Variants in HOXB3 observed in about 807,000 individuals in gnomAD.
HOXB3 encodes the protein homeobox B3.
Under a neutral mutation model 29.2 loss-of-function variants are expected in HOXB3, and 17 were observed. The ratio of observed to expected loss-of-function variants is 0.58; its 90% CI spans 0.40 to 0.87. The LOEUF (loss-of-function observed/expected upper bound fraction) is 0.87, where lower values mean the gene tolerates loss of function less well. HOXB3 is among the 40% of genes least tolerant of loss of function. HOXB3 has a pLI of 0.00. For synonymous variants in HOXB3, 317 were observed against 285.9 expected (o/e 1.11, Z -1.10); for missense variants, 637 against 616.3 (o/e 1.03, Z -0.35).
chr17:48,582,493 T>C (rs900739466), intron 1 of HOXB3: 1 of 152,206 alleles, frequency 6.6e-6, no homozygotes, highest in African/African-American at 2.4e-5. Context: ...CGTGTTAATC[T>C]CATACTTTGG....
intron 2 of HOXB3, among the ~76,000 whole-genome samples, chr17:48,571,416 A>T (rs1597843343): frequency 1.3e-5 from 2 of 152,150 alleles, no homozygotes; most frequent in African/African-American, 4.8e-5. Context: ...TGGAAGTAGG[A>T]GGGAGAATGG....
At chr17:48,563,287 C>T (rs2069263383) in intron 2 of HOXB3, among the ~76,000 whole-genome samples, 1 of 152,192 alleles carries the variant, frequency 6.6e-6, no homozygotes, top group Non-Finnish European at 1.5e-5. Context: ...AGCACTACTT[C>T]GTGGACAGGA....
chr17:48,554,857 T>C lies in HOXB3; in HGVS notation c.-159+674A>G, dbSNP rs1270672413. On this transcript the variant is annotated intron_variant, in intron 3 of 4. Transcript: ENST00000498678. This position sits in a 1 kb window ranked among gnomAD's most constrained non-coding sequence, Gnocchi z 4.1. Reference sequence around the variant, plus strand: ...CGCCGAGGCCTGGCGGACGGGACAGTGGGAAGAGAGAAAGGTGCTAAGGGG... The same window carrying C: ...CGCCGAGGCCTGGCGGACGGGACAGCGGGAAGAGAGAAAGGTGCTAAGGGG... 1.4e-6 allele frequency: 1 copy of C among 701,572 alleles called. No individual in the cohort carries two copies. Among genetic ancestry groups the C allele is most frequent in the Non-Finnish European group, 2.6e-6 (1 of 384,624 alleles). 43.5% of individuals were successfully genotyped at this position (701,572 alleles called of 1,614,324 possible). A position where few individuals can be genotyped will look rare whatever the true frequency, so the allele number is the denominator to read the frequency against.
rs1374171931 is a variant in HOXB3 at position 48,550,969 on chromosome 17, T to C, written c.661A>G (p.Met221Val). ...TCGCTGAGGTTCAGCAGGTTGGCCA[T>C]CTCTACACGGCGAGGCCGGCACAGG... ...RYLCRPRRVE[M>V]ANLLNLSERQ... Residue 221 changes from methionine to valine, a missense_variant, in exon 5 of 5, where the codon ATG becomes GTG. Met to Val is a conservative substitution (Grantham distance 21). Transcript: ENST00000498678. 1.9e-6 allele frequency: 3 copies of C among 1,613,506 alleles called. No individual in the cohort carries two copies. In the African/African-American group the frequency reaches 4.0e-5, roughly 22 times the overall value.
intron 2 of HOXB3, among the ~76,000 whole-genome samples, chr17:48,562,433 T>C (rs777545328): frequency 7.9e-5 from 12 of 151,898 alleles, no homozygotes; most frequent in Non-Finnish European, 1.8e-4. Context: ...CCCATAGAAA[T>C]AGGTCTGCCG....
chr17:48,578,085 G>A, intron 1 of HOXB3: 1 of 1,046,472 alleles, frequency 9.6e-7, no homozygotes, highest in Non-Finnish European at 1.2e-6. Context: ...GGCGGGGGTG[G>A]TGGCGGAGGC....
chr17:48,552,626 G>A lies in HOXB3; in HGVS notation c.-152C>T, dbSNP rs1311839158. 3 of 593,114 alleles carry A rather than the reference G, an allele frequency of 5.1e-6. No homozygotes were observed. Among genetic ancestry groups the A allele is most frequent in the Non-Finnish European group, 8.6e-6 (3 of 348,880 alleles). The allele number at this position is 593,114 out of a possible 1,614,324, so 36.7% of individuals were successfully genotyped here. On this transcript the variant is annotated 5_prime_UTR_variant, in exon 4 of 5. Coordinates refer to ENST00000498678, the MANE Select transcript of HOXB3 (RefSeq NM_001384749.1). ...CCCTCCTCCGGGGTCTGTTCCAAGC[G>A]GCTGACCTGCGAGGCGAGAGAAGAG...
intron 3 of HOXB3, chr17:48,555,317 G>C (rs11652860): frequency 0.45 from 252,915 of 557,028 alleles, 62,877 homozygotes; most frequent in Middle Eastern, 0.54. Context: ...AGCAGGAAGA[G>C]AGAGGGGAGA....
At chr17:48,560,442 AG>A (rs2069153530) in intron 2 of HOXB3, 1 of 151,796 alleles carries the variant, frequency 6.6e-6, no homozygotes, top group Non-Finnish European at 1.5e-5. Flanking sequence ...GCTAGGCTTT[AG>A]GAAGTGGATT....
chr17:48,575,380 A>G (rs907990805), intron 1 of HOXB3: 1 of 152,192 alleles, frequency 6.6e-6, no homozygotes, highest in African/African-American at 2.4e-5. Flanking sequence ...AAAAATTCCC[A>G]TCAGACTCTT....
At chr17:48,568,582 C>G (rs2069468008) in intron 2 of HOXB3, among the ~76,000 whole-genome samples, 1 of 152,048 alleles carries the variant, frequency 6.6e-6, no homozygotes, top group African/African-American at 2.4e-5. Context: ...AATGATTTAT[C>G]GAAGACATGG....
At chr17:48,568,830 A>C (rs1419516659) in intron 2 of HOXB3, among the ~76,000 whole-genome samples, 1 of 152,222 alleles carries the variant, frequency 6.6e-6, no homozygotes, top group Non-Finnish European at 1.5e-5. Context: ...GGGCATAAAC[A>C]CACAGAGCAC....
intron 3 of HOXB3, chr17:48,553,852 T>C (rs2068861155): frequency 6.6e-6 from 1 of 152,266 alleles, no homozygotes; most frequent in Non-Finnish European, 1.5e-5. Context: ...ACCATCACTT[T>C]TCATAAAACC....
Position 48,554,605 on chromosome 17 carries a change from G to T in HOXB3, c.-159+926C>A. ...CTCAGCCGGTCGCTGCTGCCGCGGC[G>T]ACTGGCGACAAGCTACCAGCCACCT... On this transcript the variant is annotated intron_variant, in intron 3 of 4. Coordinates refer to ENST00000498678, the MANE Select transcript of HOXB3 (RefSeq NM_001384749.1). The surrounding 1 kb of genome is among the most constrained non-coding windows in gnomAD (Gnocchi z 4.1). 1.4e-6 allele frequency: 1 copy of T among 700,864 alleles called. No individual in the cohort carries two copies. The highest frequency in any genetic ancestry group is 1.5e-5 in the South Asian group (1 of 67,464). The allele number at this position is 700,864 out of a possible 1,614,324, so 43.4% of individuals were successfully genotyped here.
chr17:48,550,925 C>T lies in HOXB3; in HGVS notation c.705G>A (p.Trp235Ter), dbSNP rs2068710281. The change falls in exon 5 of 5, where the codon TGG (tryptophan) becomes TGA (stop). Residue 235 changes from tryptophan (W) to a stop codon, truncating the protein, a stop_gained. Transcript: ENST00000498678. LOFTEE classifies it high-confidence loss of function. ...TGTACTTCATGCGCCGGTTCTGGAA[C>T]CAGATCTTGATCTGCCGCTCGCTGA... The part of the protein sequence containing the change: ...LNLSERQIKI[W>*]FQNRRMKYKK... 1 of 1,614,026 alleles carries T rather than the reference C, an allele frequency of 6.2e-7. No homozygotes were observed. Among genetic ancestry groups the T allele is most frequent in the East Asian group, 2.2e-5 (1 of 44,864 alleles).
Position 48,570,855 on chromosome 17 carries a change from G to A in HOXB3, c.-247+2982C>T, listed in dbSNP as rs1408518326. On this transcript the variant is annotated intron_variant, in intron 2 of 4. Coordinates refer to ENST00000498678, the MANE Select transcript of HOXB3 (RefSeq NM_001384749.1). ...TGTGGGCCCTGCTCCCGGCTCCAGC[G>A]AGGGCAACTCCCTGAAACGTTCTGG... Among the ~76,000 whole-genome samples the A allele has an allele frequency of 2.6e-5, 4 of 152,294 alleles. No individual in the cohort carries two copies. The South Asian group carries it at 6.2e-4, about 24-fold the overall frequency.
At position 48,554,955 on chromosome 17, in the gene HOXB3, T is replaced by C. The variant is rs2144761371; in HGVS notation, c.-159+576A>G. On this transcript the variant is annotated intron_variant, in intron 3 of 4. Coordinates refer to ENST00000498678, the MANE Select transcript of HOXB3 (RefSeq NM_001384749.1). The surrounding 1 kb of genome is among the most constrained non-coding windows in gnomAD (Gnocchi z 4.1). ...CCAAGCCAAACAGATCTATTTCCCTTGCCTCCATGTTGGAAAAATTCAGGT... is the reference window on the plus strand; with the variant it reads ...CCAAGCCAAACAGATCTATTTCCCTCGCCTCCATGTTGGAAAAATTCAGGT... The C allele has an allele frequency of 1.7e-6, 1 of 585,734 alleles. No individual in the cohort carries two copies. Among genetic ancestry groups the C allele is most frequent in the East Asian group, 3.1e-5 (1 of 32,290 alleles). 36.3% of individuals were successfully genotyped at this position (585,734 alleles called of 1,614,324 possible).
Position 48,552,534 on chromosome 17 carries a change from G to C in HOXB3, c.-60C>G, listed in dbSNP as rs2068796776. 1 of 1,372,212 alleles carries C rather than the reference G, an allele frequency of 7.3e-7. No homozygotes were observed. The highest frequency in any genetic ancestry group is 9.9e-7 in the Non-Finnish European group (1 of 1,008,534). The allele number at this position is 1,372,212 out of a possible 1,614,324, so 85.0% of individuals were successfully genotyped here. On this transcript the variant is annotated 5_prime_UTR_variant, in exon 4 of 5. Coordinates refer to ENST00000498678, the MANE Select transcript of HOXB3 (RefSeq NM_001384749.1). ...GGAAAGGCCTGATACCCTCAGGACC[G>C]GACATTGGCAACCCTGGGGGTCACG...
chr17:48,581,924 G>A, intron 1 of HOXB3: 1 of 152,426 alleles, frequency 6.6e-6, no homozygotes, highest in Non-Finnish European at 1.5e-5. Flanking sequence ...GGAGCGGGAG[G>A]CTGCCTCTCC....
Sources: gnomAD v4.1 joint callset for allele counts (sites outside exome capture counted in the v4.1 genomes callset) on GRCh38, gnomAD v4.1.1 for gene constraint, Gnocchi (gnomAD v3.1) non-coding constraint, MANE v1.5 for transcripts, NCBI Gene and HGNC (gene_info 2026-07-23, HGNC 2026-07-21) for gene names.